The following TENM2 variants were observed in gnomAD, a reference collection of about 807,000 sequenced individuals.
TENM2 encodes teneurin-2.
A neutral mutation model predicts 245.2 loss-of-function variants in TENM2; 52 were observed. The observed-to-expected ratio is 0.21, with a 90% CI of 0.17 to 0.27. The LOEUF is 0.27. TENM2 is among the 10% of genes least tolerant of loss of function. The pLI, the probability that TENM2 is intolerant of heterozygous loss-of-function variation, is 1.00. For synonymous variants in TENM2, 1,363 were observed against 1,438.9 expected, an observed-to-expected ratio of 0.95 and a Z score of 1.19; for missense variants, 3,046 against 3,666.8, an observed-to-expected ratio of 0.83 and a Z score of 4.37.
At chr5:167,755,195 A>G in intron 2 of TENM2, 1 of 1,597,326 alleles carries the variant, frequency 6.3e-7, no homozygotes, top group Non-Finnish European at 8.5e-7. Flanking sequence ...GTCTCTGGGT[A>G]AGGATGATGG....
At chr5:167,744,645 C>A (rs1312945140) in intron 2 of TENM2, among the ~76,000 whole-genome samples, 1 of 152,104 alleles carries the variant, frequency 6.6e-6, no homozygotes, top group East Asian at 1.9e-4. Flanking sequence ...TTCCTTCCAC[C>A]TATTAATAGC....
intron 4 of TENM2, among the ~76,000 whole-genome samples, chr5:167,967,399 T>C (rs1459826473): frequency 6.6e-6 from 1 of 152,176 alleles, no homozygotes; most frequent in African/African-American, 2.4e-5. Flanking sequence ...GTGTGCAAAT[T>C]ACAAGGTGCA....
intron 12 of TENM2, among the ~76,000 whole-genome samples, chr5:168,149,265 G>A (rs757190277): frequency 5.9e-5 from 9 of 152,028 alleles, no homozygotes; most frequent in South Asian, 2.1e-4. Context: ...GATGCGGCAC[G>A]ATGCTCCCCT....
chr5:167,163,690 T>C, the TENM2 span, among the ~76,000 whole-genome samples: 160 of 152,322 alleles, frequency 1.1e-3, 2 homozygotes, highest in Middle Eastern at 3.4e-3. Context: ...GGCTCTGCTA[T>C]GATGCTCTGA....
intron 2 of TENM2, among the ~76,000 whole-genome samples, chr5:167,853,982 G>A (rs1770838176): frequency 6.6e-6 from 1 of 152,126 alleles, no homozygotes; most frequent in African/African-American, 2.4e-5. Context: ...TACTTATTCA[G>A]TAATTGTACC....
intron 1 of TENM2, among the ~76,000 whole-genome samples, chr5:167,307,477 C>T (rs1390729321): frequency 1.3e-5 from 2 of 151,902 alleles, no homozygotes; most frequent in Non-Finnish European, 2.9e-5. Context: ...GGTATGGAAA[C>T]TCTCAAAAAT....
the TENM2 span, among the ~76,000 whole-genome samples, chr5:167,264,123 A>T: frequency 9.7e-4 from 144 of 149,074 alleles, 1 homozygote; most frequent in South Asian, 0.025. Flanking sequence ...AAAAAAAAAA[A>T]ATTCCTGTTA....
chr5:167,414,571 T>TA, intron 2 of TENM2, among the ~76,000 whole-genome samples: 1 of 152,098 alleles, frequency 6.6e-6, no homozygotes, highest in Non-Finnish European at 1.5e-5. Context: ...CCTGGTTCGC[T>TA]AGAGAGAGAG....
chr5:167,881,417 A>G (rs1039836038), intron 3 of TENM2, among the ~76,000 whole-genome samples: 16 of 152,132 alleles, frequency 1.1e-4, no homozygotes, highest in African/African-American at 3.4e-4. Flanking sequence ...TCCGTTCTTC[A>G]GGGACCTCCA....
the TENM2 span, among the ~76,000 whole-genome samples, chr5:167,162,749 A>G: frequency 6.6e-6 from 1 of 152,168 alleles, no homozygotes; most frequent in East Asian, 1.9e-4. Flanking sequence ...GAACCCTGAT[A>G]CTCATGACCA....
At position 167,689,901 on chromosome 5, in the gene TENM2, C is replaced by T. The variant is rs1361406502; in HGVS notation, c.503-186085C>T. Among the ~76,000 whole-genome samples the T allele has an allele frequency of 2.6e-5, 4 of 152,268 alleles. No homozygotes were observed. The East Asian group carries it at 5.8e-4, about 22-fold the overall frequency. On this transcript the variant is annotated intron_variant, in intron 2 of 28. Coordinates refer to ENST00000518659, the Ensembl canonical transcript of TENM2. ...TCAGCCTCCTGAGTAGCTGGGATTA[C>T]AGGCGTGAGCCACCATGCCCAGGCT...
chr5:167,853,449 C>T (rs1770794449), intron 2 of TENM2, among the ~76,000 whole-genome samples: 1 of 151,914 alleles, frequency 6.6e-6, no homozygotes, highest in Non-Finnish European at 1.5e-5. Context: ...TTCTGTGACC[C>T]CGTGGGAGCT....
chr5:167,742,188 A>C lies in TENM2; in HGVS notation c.503-133798A>C, dbSNP rs145353619. On this transcript the variant is annotated intron_variant, in intron 2 of 28. Transcript: ENST00000518659. ...CATAATCTGATATTCACTCTTAACT[A>C]ATTCCCACATTCCCCCAATAATTCC... is the stretch of plus-strand genomic sequence containing the variant. Among the ~76,000 whole-genome samples, 5 of 152,186 alleles carry C rather than the reference A, an allele frequency of 3.3e-5. No individual in the cohort carries two copies. In the East Asian group the frequency reaches 9.7e-4, roughly 29 times the overall value.
the TENM2 span, among the ~76,000 whole-genome samples, chr5:167,193,940 G>A: frequency 2.2e-3 from 327 of 151,754 alleles, no homozygotes; most frequent in Non-Finnish European, 3.8e-3. Flanking sequence ...TTTATTTTTG[G>A]ATGAGGAAAC....
the TENM2 span, among the ~76,000 whole-genome samples, chr5:167,097,030 T>G: frequency 1.3e-5 from 2 of 152,158 alleles, no homozygotes; most frequent in Non-Finnish European, 2.9e-5. Context: ...GATGCCTTTC[T>G]GCCGGGTTCA....
chr5:168,046,519 C>T (rs1025196927), intron 5 of TENM2, among the ~76,000 whole-genome samples: 1 of 152,182 alleles, frequency 6.6e-6, no homozygotes, highest in African/African-American at 2.4e-5. Context: ...TCACCAAGAA[C>T]CATCAGGGAT....
chr5:167,201,645 A>T, the TENM2 span, among the ~76,000 whole-genome samples: 3 of 152,184 alleles, frequency 2.0e-5, no homozygotes, highest in Non-Finnish European at 4.4e-5. Flanking sequence ...GCCAGTTGAC[A>T]ACTGTACTGT....
At chr5:167,416,592 A>G (rs1185766796) in intron 2 of TENM2, among the ~76,000 whole-genome samples, 7 of 152,230 alleles carry the variant, frequency 4.6e-5, no homozygotes, top group Admixed American at 1.3e-4. Flanking sequence ...ACACCACATT[A>G]GGGCAAATTT....
chr5:167,116,925 T>G, the TENM2 span, among the ~76,000 whole-genome samples: 1 of 152,374 alleles, frequency 6.6e-6, no homozygotes, highest in South Asian at 2.1e-4. Flanking sequence ...CAGAATGTTT[T>G]ATTTGATAAC....
Sources: allele counts gnomAD v4.1 joint callset (sites outside exome capture counted in the v4.1 genomes callset), GRCh38; gene constraint gnomAD v4.1.1; transcripts MANE v1.5; gene names NCBI Gene and HGNC (gene_info 2026-07-23, HGNC 2026-07-21).